SLC1A4: variants seen among roughly 807,000 people sequenced by gnomAD.
SLC1A4 encodes the protein neutral amino acid transporter A.
In SLC1A4, 19 loss-of-function variants were observed where a neutral mutation model predicts 37.7. The observed-to-expected ratio is 0.50, with a 90% CI of 0.35 to 0.74. The LOEUF (loss-of-function observed/expected upper bound fraction) is 0.74. SLC1A4 is among the 30% of genes least tolerant of loss of function. The pLI, the probability that SLC1A4 is intolerant of heterozygous loss-of-function variation, is 0.01. For synonymous variants in SLC1A4, 299 were observed against 309.8 expected (o/e 0.97, Z 0.37); for missense variants, 570 against 712.9 (o/e 0.80, Z 2.28).
chr2:64,998,641 T>C (rs1673356961), intron 1 of SLC1A4, among the ~76,000 whole-genome samples: 1 of 152,138 alleles, frequency 6.6e-6, no homozygotes, highest in African/African-American at 2.4e-5. Context: ...CAGTGGCTGT[T>C]AGGTGTAGAA....
In SLC1A4 at chr2:65,016,519, C is replaced by G; in HGVS notation, c.880C>G (p.Leu294Val). 1 of 1,614,194 alleles carries G rather than the reference C, an allele frequency of 6.2e-7. No homozygotes were observed. The highest frequency in any genetic ancestry group is 8.5e-7 in the Non-Finnish European group (1 of 1,180,022). Residue 294 changes from leucine to valine, a missense_variant, in exon 5 of 8, where the codon CTG becomes GTG. By Grantham distance (32) the Leu-to-Val change is conservative (BLOSUM62 1). Transcript: ENST00000234256. ...AGACATCATCGTGCTGGTGACCAGC[C>G]TGGGGAAATACATCTTCGCATCTAT... ...MKDIIVLVTSLGKYIFASILG... is the reference protein window; with the variant it reads ...MKDIIVLVTSVGKYIFASILG...
intron 4 of SLC1A4, among the ~76,000 whole-genome samples, chr2:65,012,082 TTTTTG>T (rs1244312743): frequency 2.3e-4 from 34 of 148,836 alleles, no homozygotes; most frequent in African/African-American, 7.7e-4. Flanking sequence ...TCTACTTGTT[TTTTTG>T]TTTTGTTTTT....
chr2:64,998,144 G>A (rs1397832458), intron 1 of SLC1A4, among the ~76,000 whole-genome samples: 2 of 152,192 alleles, frequency 1.3e-5, no homozygotes, highest in Non-Finnish European at 2.9e-5. Flanking sequence ...GACTGAGGCA[G>A]GACAATGGTG....
intron 3 of SLC1A4, among the ~76,000 whole-genome samples, chr2:65,007,257 A>G (rs1673711896): frequency 7.4e-6 from 1 of 135,760 alleles, no homozygotes. Context: ...GCAAATAGAT[A>G]GGAAGAGTGT....
upstream of SLC1A4, chr2:64,988,518 C>T (rs1017113639): frequency 3.9e-5 from 6 of 152,398 alleles, no homozygotes; most frequent in Non-Finnish European, 8.8e-5. Context: ...CCAGCCCCAT[C>T]CTGATGGCCC....
intron 5 of SLC1A4, 60 bp downstream of exon 5, chr2:65,016,733 C>G: frequency 9.0e-7 from 1 of 1,109,408 alleles, no homozygotes; most frequent in Non-Finnish European, 1.4e-6. Context: ...ACCAGGTGAG[C>G]CCAGTGGTAG....
intron 1 of SLC1A4, among the ~76,000 whole-genome samples, chr2:64,996,879 T>G (rs746783526): frequency 3.2e-4 from 49 of 151,970 alleles, no homozygotes; most frequent in Middle Eastern, 3.2e-3. Flanking sequence ...ACATGAGGAG[T>G]TGGGAAAAAT....
intron 3 of SLC1A4, among the ~76,000 whole-genome samples, chr2:65,009,888 T>C (rs34807901): frequency 0.13 from 20,440 of 152,100 alleles, 1,466 homozygotes; most frequent in Middle Eastern, 0.23. Flanking sequence ...ACTCTGTGGA[T>C]ATTTAGGAGT....
upstream of SLC1A4, among the ~76,000 whole-genome samples, chr2:64,989,191 A>G (rs1381416271): frequency 6.6e-6 from 1 of 151,282 alleles, no homozygotes; most frequent in African/African-American, 2.4e-5. Flanking sequence ...CCTCGGGTGG[A>G]GCCTCCCGCC....
chr2:65,003,077 G>A (rs903706085), intron 2 of SLC1A4, among the ~76,000 whole-genome samples: 1 of 152,092 alleles, frequency 6.6e-6, no homozygotes, highest in Non-Finnish European at 1.5e-5. Flanking sequence ...AGGTATATGG[G>A]GCTTTTTTTA....
chr2:65,019,474 C>T (rs904735193), intron 7 of SLC1A4, among the ~76,000 whole-genome samples: 11 of 152,020 alleles, frequency 7.2e-5, no homozygotes, highest in Non-Finnish European at 1.2e-4. Flanking sequence ...GAAGATTGAG[C>T]GAGTTAGCAC....
intron 1 of SLC1A4, among the ~76,000 whole-genome samples, chr2:64,996,572 C>T (rs913858954): frequency 1.3e-5 from 2 of 152,158 alleles, no homozygotes; most frequent in African/African-American, 2.4e-5. Flanking sequence ...CTGTCCAATA[C>T]AATAGACACT....
Position 64,989,596 on chromosome 2 carries a change from A to G in SLC1A4, c.-48A>G, listed in dbSNP as rs775648938. ...TTCATTGGGAACCCCGTCTTTTGCCAGAGCCCACGTCCCCTGCCACCTCTA... is the reference window on the plus strand; with the variant it reads ...TTCATTGGGAACCCCGTCTTTTGCCGGAGCCCACGTCCCCTGCCACCTCTA... On this transcript the variant is annotated 5_prime_UTR_variant, in exon 1 of 8. Transcript: ENST00000234256. 1 of 1,409,324 alleles carries G rather than the reference A, an allele frequency of 7.1e-7. No homozygotes were observed. The highest frequency in any genetic ancestry group is 9.3e-7 in the Non-Finnish European group (1 of 1,080,986). 87.3% of individuals were successfully genotyped at this position (1,409,324 alleles called of 1,614,324 possible).
At chr2:65,008,222 A>G (rs540771526) in intron 3 of SLC1A4, among the ~76,000 whole-genome samples, 1 of 152,320 alleles carries the variant, frequency 6.6e-6, no homozygotes, top group South Asian at 2.1e-4. Context: ...AGCTCATAGA[A>G]TCCTAGTAGG....
chr2:65,008,933 A>G (rs958219173), intron 3 of SLC1A4, among the ~76,000 whole-genome samples: 10 of 152,208 alleles, frequency 6.6e-5, no homozygotes, highest in Non-Finnish European at 1.5e-4. Context: ...GACTCCCACA[A>G]CTAGGAAGTA....
At position 65,018,726 on chromosome 2, in the gene SLC1A4, C is replaced by T. The variant is rs960739607; in HGVS notation, c.1364+47C>T. The T allele has an allele frequency of 6.2e-7, 1 of 1,607,188 alleles. No individual in the cohort carries two copies. The highest frequency in any genetic ancestry group is 8.5e-7 in the Non-Finnish European group (1 of 1,176,512). ...CACCAAAAAGAGTCTGCACTGAGTT[C>T]CCTAGGAGCTTAGCACTGCTGGGCC... On this transcript the variant is annotated intron_variant, in intron 7 of 7. Coordinates refer to ENST00000234256, the MANE Select transcript of SLC1A4 (RefSeq NM_003038.5). The surrounding 1 kb of genome is among the most constrained non-coding windows in gnomAD (Gnocchi z 4.3).
At chr2:65,000,716 C>A (rs912067392) in intron 1 of SLC1A4, 3 of 152,180 alleles carry the variant, frequency 2.0e-5, no homozygotes, top group African/African-American at 4.8e-5. Flanking sequence ...AAAAACAGAA[C>A]CTTGTTTTGG....
At position 64,989,574 on chromosome 2, in the gene SLC1A4, A is replaced by G; in HGVS notation, c.-70A>G. The G allele has an allele frequency of 2.2e-6, 3 of 1,349,552 alleles. No homozygotes were observed. In the South Asian group the frequency reaches 5.5e-5, roughly 25 times the overall value. 83.6% of individuals were successfully genotyped at this position (1,349,552 alleles called of 1,614,324 possible). On this transcript the variant is annotated 5_prime_UTR_variant, in exon 1 of 8. Transcript: ENST00000234256. ...GCACAACTGGCCGACCGACCCATTC[A>G]TTGGGAACCCCGTCTTTTGCCAGAG...
intron 1 of SLC1A4, chr2:65,001,098 C>G (rs1388308700): frequency 2.0e-5 from 4 of 198,672 alleles, no homozygotes; most frequent in Non-Finnish European, 3.1e-5. Flanking sequence ...TTCAAAGTAT[C>G]TACTGTGGCC....
Sources: allele counts gnomAD v4.1 joint callset (sites outside exome capture counted in the v4.1 genomes callset), GRCh38; gene constraint gnomAD v4.1.1; non-coding constraint Gnocchi (gnomAD v3.1); transcripts MANE v1.5; gene names NCBI Gene and HGNC (gene_info 2026-07-23, HGNC 2026-07-21).